Variants in SPAG9 observed in about 807,000 individuals in gnomAD.
The protein encoded by SPAG9 is sperm associated antigen 9.
Under a neutral mutation model 166.5 loss-of-function variants are expected in SPAG9, and 35 were observed. That is an observed-to-expected ratio of 0.21 (90% confidence interval 0.16 to 0.28). SPAG9 has a LOEUF of 0.28. Among genes scored for constraint, SPAG9 ranks in the 10% least tolerant of loss-of-function variants. The probability of loss-of-function intolerance (pLI) is 1.00; values close to 1 mark genes in which losing one functional copy is unlikely to be tolerated. For synonymous variants in SPAG9, 534 were observed against 565.5 expected, an observed-to-expected ratio of 0.94 and a Z score of 0.79; for missense variants, 1,235 against 1,603.3, an observed-to-expected ratio of 0.77 and a Z score of 3.92.
At position 50,985,038 on chromosome 17, in the gene SPAG9, A is replaced by T. The variant is rs746363070; in HGVS notation, c.3021-48T>A. On this transcript the variant is annotated intron_variant, in intron 23 of 29. Coordinates refer to ENST00000262013, the MANE Select transcript of SPAG9 (RefSeq NM_001130528.3). ...CAGAACTCTCCATTCAGGAATACAG[A>T]AGGGACCACATGCTACTGAACTAGT... 15 of 1,536,716 alleles carry T rather than the reference A, an allele frequency of 9.8e-6. No individual in the cohort carries two copies. The African/African-American group carries it at 1.4e-4, about 14-fold the overall frequency.
At chr17:51,007,917 G>A in intron 9 of SPAG9, 1 of 415,004 alleles carries the variant, frequency 2.4e-6, no homozygotes, top group South Asian at 1.8e-5. Flanking sequence ...GTAAGAAACA[G>A]CATGAAAACA....
intron 1 of SPAG9, among the ~76,000 whole-genome samples, chr17:51,119,748 T>C (rs1485952839): frequency 2.0e-5 from 3 of 152,042 alleles, no homozygotes; most frequent in Admixed American, 6.6e-5. Context: ...ACCAACGAAA[T>C]TGTTTATATA....
At chr17:51,115,277 C>T (rs1377889153) in intron 1 of SPAG9, among the ~76,000 whole-genome samples, 1 of 152,100 alleles carries the variant, frequency 6.6e-6, no homozygotes, top group African/African-American at 2.4e-5. Context: ...CAGTCTCAAA[C>T]TCCTGGGCTT....
intron 1 of SPAG9, 129 bp from the exon 2 acceptor site, chr17:51,079,833 G>A: frequency 3.5e-6 from 2 of 575,306 alleles, no homozygotes; most frequent in Non-Finnish European, 2.9e-6. Flanking sequence ...ATGACCTTGG[G>A]TTGATTTTTA....
chr17:50,995,644 T>C, intron 16 of SPAG9, 111 bp from the exon 17 acceptor site: 3 of 710,254 alleles, frequency 4.2e-6, no homozygotes, highest in Non-Finnish European at 2.4e-6. Flanking sequence ...ATTTACTCCT[T>C]GAAATCAAGT....
chr17:51,005,345 T>C, intron 11 of SPAG9, 82 bp from the exon 12 acceptor site: 1 of 1,248,762 alleles, frequency 8.0e-7, no homozygotes, highest in Non-Finnish European at 1.2e-6. Flanking sequence ...TCAACAATTT[T>C]AACTACCACT....
At chr17:51,010,753 C>A (rs1370864639) in intron 9 of SPAG9, among the ~76,000 whole-genome samples, 3 of 151,750 alleles carry the variant, frequency 2.0e-5, no homozygotes, top group Non-Finnish European at 4.4e-5. Context: ...GGGGACAGAA[C>A]AATAAAGATA....
At chr17:51,117,271 C>G (rs2144806546) in intron 1 of SPAG9, among the ~76,000 whole-genome samples, 1 of 152,206 alleles carries the variant, frequency 6.6e-6, no homozygotes, top group East Asian at 1.9e-4. Context: ...AACATTCTAT[C>G]TACATACCCA....
chr17:50,975,225 G>T, intron 27 of SPAG9: 9 of 285,484 alleles, frequency 3.2e-5, no homozygotes, highest in African/African-American at 4.5e-5. Context: ...AATAATTTTA[G>T]TTAAAAAAAA....
intron 16 of SPAG9, 142 bp downstream of exon 16, chr17:50,996,423 C>T (rs966509193): frequency 2.7e-5 from 24 of 891,072 alleles, no homozygotes; most frequent in Non-Finnish European, 3.9e-5. Context: ...AAAACCACCA[C>T]CCTCCATGCT....
chr17:51,079,996 T>G (rs1183939946), intron 1 of SPAG9, among the ~76,000 whole-genome samples: 2 of 152,220 alleles, frequency 1.3e-5, no homozygotes, highest in African/African-American at 4.8e-5. Flanking sequence ...CATATGCATC[T>G]TGACTTCCAG....
intron 28 of SPAG9, among the ~76,000 whole-genome samples, chr17:50,971,803 T>C (rs565627215): frequency 4.6e-5 from 7 of 151,910 alleles, no homozygotes; most frequent in East Asian, 1.9e-4. Context: ...GTTTCGCTCT[T>C]GTGGCCCAGG....
chr17:50,984,906 C>T lies in SPAG9; in HGVS notation c.3088+17G>A. 6.2e-7 allele frequency: 1 copy of T among 1,605,888 alleles called. No homozygotes were observed. The highest frequency in any genetic ancestry group is 8.5e-7 in the Non-Finnish European group (1 of 1,172,502). On this transcript the variant is annotated intron_variant, in intron 24 of 29. Transcript: ENST00000262013. ...GCAACAAATTAGTGTCCATGTTATA[C>T]ACACATCACCACTCACCCACTCCTC...
At chr17:51,017,567 T>A (rs1334987955) in intron 8 of SPAG9, among the ~76,000 whole-genome samples, 9 of 151,742 alleles carry the variant, frequency 5.9e-5, no homozygotes, top group African/African-American at 2.2e-4. Context: ...GGTTCTGGAT[T>A]TGAATCCCAA....
chr17:50,993,060 C>T (rs968757706), intron 19 of SPAG9, among the ~76,000 whole-genome samples: 2 of 145,648 alleles, frequency 1.4e-5, no homozygotes, highest in South Asian at 2.2e-4. Flanking sequence ...GGTGCCACTG[C>T]ACTCCAGTGT....
At chr17:51,031,294 G>C (rs1457693578) in intron 6 of SPAG9, 1 of 226,412 alleles carries the variant, frequency 4.4e-6, no homozygotes, top group Non-Finnish European at 8.9e-6. Flanking sequence ...ATTAAACTAA[G>C]GAAGCAGTCC....
chr17:51,069,592 TTTAA>T lies in SPAG9; in HGVS notation c.424+9988_424+9991del, dbSNP rs565287105. Among the ~76,000 whole-genome samples the T allele has an allele frequency of 2.6e-4, 40 of 152,254 alleles. 2 individuals are homozygous for T. In the East Asian group the frequency reaches 6.6e-3, roughly 25 times the overall value. On this transcript the variant is annotated intron_variant, in intron 2 of 29. Coordinates refer to ENST00000262013, the MANE Select transcript of SPAG9 (RefSeq NM_001130528.3). The stretch of plus-strand genomic sequence containing the variant: ...GCCTTATTTAATTCCTTTAAATAAA[TTTAA>T]TTAATTAAATAAAATTTAAACATTC...
chr17:51,107,468 G>C (rs1239295083), intron 1 of SPAG9, among the ~76,000 whole-genome samples: 1 of 152,080 alleles, frequency 6.6e-6, no homozygotes, highest in African/African-American at 2.4e-5. Flanking sequence ...GTCAGACACG[G>C]TGGCTCACGC....
intron 1 of SPAG9, among the ~76,000 whole-genome samples, chr17:51,080,303 T>C (rs1168852570): frequency 6.6e-6 from 1 of 152,064 alleles, no homozygotes; most frequent in Non-Finnish European, 1.5e-5. Context: ...ACTTTTTTTT[T>C]TTTTTTTTAA....
Sources: gnomAD v4.1 joint callset for allele counts (sites outside exome capture counted in the v4.1 genomes callset) on GRCh38, gnomAD v4.1.1 for gene constraint, MANE v1.5 for transcripts, NCBI Gene and HGNC (gene_info 2026-07-23, HGNC 2026-07-21) for gene names.